HS3ST5: variants seen among roughly 807,000 people sequenced by gnomAD.
HS3ST5 encodes the protein heparan sulfate glucosamine 3-O-sulfotransferase 5.
Under a neutral mutation model 25.4 loss-of-function variants are expected in HS3ST5, and 10 were observed. The ratio of observed to expected loss-of-function variants is 0.39; its 90% CI spans 0.24 to 0.67. The LOEUF (loss-of-function observed/expected upper bound fraction) is 0.67, where lower values mean the gene tolerates loss of function less well. HS3ST5 is among the 30% of genes least tolerant of loss of function. The pLI is 0.44. For synonymous variants in HS3ST5, 170 were observed against 162.4 expected, an observed-to-expected ratio of 1.05 and a Z score of -0.36; for missense variants, 324 against 420.7, an observed-to-expected ratio of 0.77 and a Z score of 2.01.
intron 3 of HS3ST5, among the ~76,000 whole-genome samples, chr6:114,108,582 G>A (rs1776106060): frequency 6.6e-6 from 1 of 152,062 alleles, no homozygotes; most frequent in Non-Finnish European, 1.5e-5. Context: ...GCCCTCTACC[G>A]ACAAAGCTCA....
intron 1 of HS3ST5, among the ~76,000 whole-genome samples, chr6:114,260,435 CT>C (rs1399057164): frequency 1.3e-5 from 2 of 152,174 alleles, no homozygotes; most frequent in Non-Finnish European, 2.9e-5. Context: ...TCGTAAACAA[CT>C]CTTTCACTTT....
intron 3 of HS3ST5, among the ~76,000 whole-genome samples, chr6:114,153,984 C>T (rs889661837): frequency 3.3e-5 from 5 of 152,112 alleles, no homozygotes; most frequent in Non-Finnish European, 5.9e-5. Context: ...TGAATGTGCA[C>T]AGGAGCAGGA....
chr6:114,192,011 A>G (rs563040000), intron 2 of HS3ST5, among the ~76,000 whole-genome samples: 14 of 152,264 alleles, frequency 9.2e-5, no homozygotes, highest in Admixed American at 3.3e-4. Flanking sequence ...AGAAACAGTT[A>G]TCTGTTCTTC....
intron 3 of HS3ST5, among the ~76,000 whole-genome samples, chr6:114,095,116 T>A (rs1204249037): frequency 2.0e-5 from 3 of 152,198 alleles, no homozygotes; most frequent in Non-Finnish European, 4.4e-5. Flanking sequence ...GATGAGGTAA[T>A]AAATGCATGT....
intron 2 of HS3ST5, among the ~76,000 whole-genome samples, chr6:114,177,593 T>C (rs1279584114): frequency 6.6e-6 from 1 of 152,238 alleles, no homozygotes; most frequent in African/African-American, 2.4e-5. Flanking sequence ...GTCAGCACTT[T>C]ATTGGTTTCA....
chr6:114,157,402 A>G (rs771679659), intron 3 of HS3ST5, among the ~76,000 whole-genome samples: 44 of 152,146 alleles, frequency 2.9e-4, no homozygotes, highest in Admixed American at 3.9e-4. Flanking sequence ...TTCTGAGAGT[A>G]TAATCATTGT....
At chr6:114,131,430 C>T (rs1265883411) in intron 3 of HS3ST5, among the ~76,000 whole-genome samples, 1 of 151,972 alleles carries the variant, frequency 6.6e-6, no homozygotes, top group Admixed American at 6.6e-5. Flanking sequence ...AAAGTATTTC[C>T]TCCTTTTGAC....
At chr6:114,305,196 T>C (rs1315127510) in intron 1 of HS3ST5, among the ~76,000 whole-genome samples, 1 of 152,122 alleles carries the variant, frequency 6.6e-6, no homozygotes, top group Non-Finnish European at 1.5e-5. Context: ...TGTCATTATT[T>C]AAAAATCATA....
At chr6:114,181,884 ATG>A (rs71025099) in intron 2 of HS3ST5, among the ~76,000 whole-genome samples, 177 of 149,776 alleles carry the variant, frequency 1.2e-3, no homozygotes, top group Middle Eastern at 6.8e-3. Context: ...GTATGTGAGT[ATG>A]TGTGTGTGTG....
intron 3 of HS3ST5, among the ~76,000 whole-genome samples, chr6:114,110,363 G>A (rs1174806836): frequency 6.6e-6 from 1 of 151,742 alleles, no homozygotes; most frequent in Non-Finnish European, 1.5e-5. Flanking sequence ...AGGTTGGGTG[G>A]TGAGTTGAGA....
At chr6:114,123,200 A>C (rs1776877497) in intron 3 of HS3ST5, among the ~76,000 whole-genome samples, 1 of 152,158 alleles carries the variant, frequency 6.6e-6, no homozygotes, top group Admixed American at 6.5e-5. Context: ...TGATCTGCCC[A>C]CCTTGACCTC....
chr6:114,091,682 C>CA (rs528163340), intron 3 of HS3ST5, among the ~76,000 whole-genome samples: 5,999 of 145,598 alleles, frequency 0.041, 182 homozygotes, highest in Middle Eastern at 0.12. Flanking sequence ...GACTCCATCT[C>CA]AAAAAAAAAA....
chr6:114,263,335 A>C (rs921975932), intron 1 of HS3ST5, among the ~76,000 whole-genome samples: 3 of 152,114 alleles, frequency 2.0e-5, no homozygotes, highest in Admixed American at 6.6e-5. Flanking sequence ...AATGGAAAAA[A>C]ACTTATAAGA....
intron 1 of HS3ST5, among the ~76,000 whole-genome samples, chr6:114,233,680 GA>G (rs932481845): frequency 1.5e-4 from 23 of 151,950 alleles, no homozygotes; most frequent in African/African-American, 5.3e-4. Context: ...TTGAAAAATA[GA>G]AAAAAATACA....
chr6:114,273,708 G>T (rs1434852753), intron 1 of HS3ST5, among the ~76,000 whole-genome samples: 1 of 152,090 alleles, frequency 6.6e-6, no homozygotes, highest in East Asian at 1.9e-4. Context: ...ATGCCAATAG[G>T]TCAAATTGGA....
At chr6:114,262,439 T>C (rs1773218807) in intron 1 of HS3ST5, among the ~76,000 whole-genome samples, 3 of 151,752 alleles carry the variant, frequency 2.0e-5, no homozygotes, top group South Asian at 2.1e-4. Context: ...CCCAGCTACT[T>C]GGGAGGCTGA....
chr6:114,149,339 C>T (rs1778334816), intron 3 of HS3ST5, among the ~76,000 whole-genome samples: 1 of 152,170 alleles, frequency 6.6e-6, no homozygotes. Context: ...CCCAAATGCC[C>T]ATCAATGATA....
At chr6:114,074,473 C>T (rs1295779961) in intron 3 of HS3ST5, among the ~76,000 whole-genome samples, 4 of 152,138 alleles carry the variant, frequency 2.6e-5, no homozygotes, top group South Asian at 2.1e-4. Flanking sequence ...TTCCCAAGTT[C>T]CCATCAAGTG....
rs984049071 is a variant in HS3ST5, at chr6:114,241,144, T to G, written c.-338-12366A>C. ...TAAAGAAAAATCAGTTTTTTTTTTT[T>G]TTTTTTTTTTACTATAATACAAAGA... On this transcript the variant is annotated intron_variant, in intron 1 of 4. Transcript: ENST00000312719. Among the ~76,000 whole-genome samples the G allele has an allele frequency of 6.6e-5, 10 of 151,008 alleles. No homozygotes were observed. The East Asian group carries it at 1.4e-3, about 20-fold the overall frequency.
Sources: allele counts gnomAD v4.1 joint callset (sites outside exome capture counted in the v4.1 genomes callset), GRCh38; gene constraint gnomAD v4.1.1; transcripts MANE v1.5; gene names NCBI Gene and HGNC (gene_info 2026-07-23, HGNC 2026-07-21).